The following CCDC125 variants were observed in gnomAD, a reference collection of about 807,000 sequenced individuals.
The protein encoded by CCDC125 is coiled-coil domain-containing protein 125.
In CCDC125, 43 loss-of-function variants were observed where a neutral mutation model predicts 57.4. The ratio of observed to expected loss-of-function variants is 0.75; its 90% confidence interval spans 0.59 to 0.97. CCDC125 has a LOEUF of 0.97. Among genes scored for constraint, CCDC125 ranks in the 50% least tolerant of loss-of-function variants. The pLI, the probability that CCDC125 is intolerant of heterozygous loss-of-function variation, is 0.00. For synonymous variants in CCDC125, 187 were observed against 195.2 expected (o/e 0.96, Z 0.35); for missense variants, 563 against 595.7 (o/e 0.95, Z 0.57).
chr5:69,301,763 G>T (rs1323130389), intron 7 of CCDC125, among the ~76,000 whole-genome samples: 1 of 151,324 alleles, frequency 6.6e-6, no homozygotes, highest in Non-Finnish European at 1.5e-5. Flanking sequence ...TGGGCATGGT[G>T]GTGGGTGTCT....
At chr5:69,302,661 G>GT (rs1032725201) in intron 7 of CCDC125, among the ~76,000 whole-genome samples, 1 of 151,404 alleles carries the variant, frequency 6.6e-6, no homozygotes, top group Non-Finnish European at 1.5e-5. Context: ...GGAGGCGGAG[G>GT]TTGCAGTGAG....
chr5:69,295,398 A>G (rs577168081), intron 8 of CCDC125, among the ~76,000 whole-genome samples: 1 of 152,170 alleles, frequency 6.6e-6, no homozygotes, highest in East Asian at 1.9e-4. Context: ...TAAAAAAAAT[A>G]AAAAAATACG....
At chr5:69,276,433 G>C (rs1752146579), downstream of CCDC125, 83 of 880,268 alleles carry the variant, frequency 9.4e-5, no homozygotes, top group South Asian at 1.2e-3. Context: ...TTGGGAATGA[G>C]GGCATTCACA....
chr5:69,331,851 C>G (rs961824221), intron 1 of CCDC125, among the ~76,000 whole-genome samples: 3 of 152,230 alleles, frequency 2.0e-5, no homozygotes, highest in Non-Finnish European at 4.4e-5. Flanking sequence ...TCTTCCACAT[C>G]TGAGTCTTCC....
intron 3 of CCDC125, chr5:69,313,356 GT>G: frequency 3.2e-6 from 4 of 1,251,612 alleles, no homozygotes; most frequent in Non-Finnish European, 4.6e-6. Flanking sequence ...CTCTAGGCAG[GT>G]GGCCAGAAGG....
At chr5:69,301,228 G>C (rs1325737521) in intron 7 of CCDC125, among the ~76,000 whole-genome samples, 1 of 151,976 alleles carries the variant, frequency 6.6e-6, no homozygotes, top group Non-Finnish European at 1.5e-5. Flanking sequence ...TCTCCCCTTG[G>C]CTTTCCATAG....
intron 6 of CCDC125, 132 bp from the exon 7 acceptor site, chr5:69,304,061 C>A: frequency 1.8e-6 from 1 of 549,728 alleles, no homozygotes. Context: ...CTGGAATTTA[C>A]ACGTATCACA....
intron 2 of CCDC125, among the ~76,000 whole-genome samples, chr5:69,318,204 ACTCCTGAC>A (rs2150580689): frequency 6.8e-6 from 1 of 146,360 alleles, no homozygotes; most frequent in Admixed American, 6.8e-5. Flanking sequence ...CTGGTCTGAA[ACTCCTGAC>A]CTCATGATCC....
intron 7 of CCDC125, among the ~76,000 whole-genome samples, chr5:69,301,228 G>A (rs1325737521): frequency 6.6e-6 from 1 of 151,976 alleles, no homozygotes; most frequent in Non-Finnish European, 1.5e-5. Context: ...TCTCCCCTTG[G>A]CTTTCCATAG....
chr5:69,321,014 G>C (rs1029794899), intron 1 of CCDC125, among the ~76,000 whole-genome samples: 3 of 152,150 alleles, frequency 2.0e-5, no homozygotes, highest in African/African-American at 4.8e-5. Flanking sequence ...GTGGTTACCA[G>C]AGGCTGGGGG....
rs200570666 is a variant in CCDC125 at position 69,297,203 on chromosome 5, A to AT, written c.817-2304dup. 2.9e-3 allele frequency among the ~76,000 whole-genome samples: 432 copies of AT among 151,036 alleles called. 3 individuals are homozygous for AT. The highest frequency in any genetic ancestry group is 9.4e-3 in the African/African-American group (389 of 41,240). Reference sequence around the variant, plus strand: ...AGGCATATGCCACCACACCCAGCTAATTTTTTTTTGTATTTTTAGTAGAGA... The same window carrying AT: ...AGGCATATGCCACCACACCCAGCTAATTTTTTTTTTGTATTTTTAGTAGAGA... On this transcript the variant is annotated intron_variant, in intron 8 of 11. Coordinates refer to ENST00000396496, the MANE Select transcript of CCDC125 (RefSeq NM_176816.5).
intron 8 of CCDC125, 90 bp downstream of exon 8, chr5:69,299,922 T>C: frequency 9.8e-7 from 1 of 1,023,436 alleles, no homozygotes; most frequent in Admixed American, 1.8e-5. Context: ...AAGTATGTGC[T>C]ATCCTACAAT....
intron 3 of CCDC125, among the ~76,000 whole-genome samples, chr5:69,311,858 C>T (rs939712057): frequency 1.3e-5 from 2 of 151,886 alleles, no homozygotes; most frequent in Admixed American, 6.6e-5. Flanking sequence ...CTCAGCCTCC[C>T]GAGTAGCTGG....
At chr5:69,298,109 G>A (rs966471645) in intron 8 of CCDC125, among the ~76,000 whole-genome samples, 6 of 150,996 alleles carry the variant, frequency 4.0e-5, no homozygotes, top group South Asian at 2.1e-4. Flanking sequence ...TCTGCCTCCC[G>A]GGTTCAAGCG....
At position 69,306,901 on chromosome 5, in the gene CCDC125, T is replaced by C; in HGVS notation, c.533A>G (p.Glu178Gly). 1 of 1,503,006 alleles carries C rather than the reference T, an allele frequency of 6.7e-7. No homozygotes were observed. The highest frequency in any genetic ancestry group is 8.8e-7 in the Non-Finnish European group (1 of 1,130,698). The allele number at this position is 1,503,006 out of a possible 1,614,324, so 93.1% of individuals were successfully genotyped here. A position where few individuals can be genotyped will look rare whatever the true frequency, so the allele number is the denominator to read the frequency against. Residue 178 changes from glutamate to glycine, a missense_variant and splice_region_variant, in exon 6 of 12, where the codon GAA becomes GGA. Coordinates refer to ENST00000396496, the MANE Select transcript of CCDC125 (RefSeq NM_176816.5). Reference protein sequence around the residue: ...TMEQNRSLEKEINALQWEIEF... With the variant: ...TMEQNRSLEKGINALQWEIEF... ...TATTTCCCACTGCAAGGCATTTATT[T>C]CCTATGGAAAGAAAATAGTACCTTC...
intron 10 of CCDC125, among the ~76,000 whole-genome samples, chr5:69,286,642 A>G (rs1420980007): frequency 6.6e-6 from 1 of 152,148 alleles, no homozygotes; most frequent in Admixed American, 6.6e-5. Context: ...TGCTGACATC[A>G]TTGATGTCCT....
chr5:69,305,139 T>C (rs1464941157), intron 6 of CCDC125, among the ~76,000 whole-genome samples: 1 of 151,978 alleles, frequency 6.6e-6, no homozygotes, highest in Non-Finnish European at 1.5e-5. Context: ...TAGAGTTAAC[T>C]CAAGTGTCCA....
intron 5 of CCDC125, among the ~76,000 whole-genome samples, chr5:69,307,338 C>T (rs1361183652): frequency 1.3e-5 from 2 of 151,684 alleles, no homozygotes; most frequent in Non-Finnish European, 2.9e-5. Context: ...GTCAGAAAGA[C>T]GTACGTCCTG....
intron 10 of CCDC125, among the ~76,000 whole-genome samples, chr5:69,290,447 TGA>T (rs1561413014): frequency 1.4e-5 from 2 of 139,454 alleles, no homozygotes; most frequent in Non-Finnish European, 3.1e-5. Flanking sequence ...GGATTACAGG[TGA>T]GTGCCATCAC....
Sources: allele counts gnomAD v4.1 joint callset (sites outside exome capture counted in the v4.1 genomes callset), GRCh38; gene constraint gnomAD v4.1.1; transcripts MANE v1.5; gene names NCBI Gene and HGNC (gene_info 2026-07-23, HGNC 2026-07-21).